The following SULT4A1 variants were observed in gnomAD, a reference collection of about 807,000 sequenced individuals.
The protein encoded by SULT4A1 is sulfotransferase 4A1.
Under a neutral mutation model 35.2 loss-of-function variants are expected in SULT4A1, and 11 were observed. The ratio of observed to expected loss-of-function variants is 0.31; its 90% CI spans 0.20 to 0.52. The LOEUF is 0.52. SULT4A1 is among the 20% of genes least tolerant of loss of function. The pLI is 0.97. For synonymous variants in SULT4A1, 152 were observed against 151.8 expected (o/e 1.00, Z -0.01); for missense variants, 271 against 383.7 (o/e 0.71, Z 2.45).
intron 1 of SULT4A1, among the ~76,000 whole-genome samples, chr22:43,844,006 T>C (rs1235516392): frequency 1.3e-5 from 2 of 152,036 alleles, no homozygotes; most frequent in African/African-American, 4.8e-5. Context: ...TGTCTCCAGG[T>C]GGGCAGTGCT....
intron 1 of SULT4A1, among the ~76,000 whole-genome samples, chr22:43,844,096 C>A (rs2063455977): frequency 6.6e-6 from 1 of 152,210 alleles, no homozygotes. Context: ...GAGAAATCCC[C>A]AGCCTGTCCG....
intron 1 of SULT4A1, among the ~76,000 whole-genome samples, chr22:43,861,671 T>G (rs1038424986): frequency 6.6e-6 from 1 of 152,162 alleles, no homozygotes. Flanking sequence ...AACAAGAGAA[T>G]GTACAAGCAA....
rs368127574 is a variant in SULT4A1 at position 43,829,073 on chromosome 22, C to T, written c.729G>A (p.Leu243=). Reference sequence around the variant, plus strand: ...TGGGGCACGTACCCCGGCCCACGGGCAGGGCCTCAGCGTTGCAGCACTGGT... The same window carrying T: ...TGGGGCACGTACCCCGGCCCACGGGTAGGGCCTCAGCGTTGCAGCACTGGT... The part of the protein sequence containing the change: ...LVDQCCNAEA[L]PVGRGRVGLW... The change falls in exon 6 of 7, where the codon CTG becomes CTA. Residue 243 remains leucine (L), a synonymous_variant. Transcript: ENST00000330884. The T allele has an allele frequency of 3.1e-4, 471 of 1,535,950 alleles. 4 individuals are homozygous for T. In the African/African-American group the frequency reaches 5.8e-3, roughly 19 times the overall value.
At chr22:43,852,999 C>A (rs35012821) in intron 1 of SULT4A1, among the ~76,000 whole-genome samples, 8,309 of 152,090 alleles carry the variant, frequency 0.055, 282 homozygotes, top group Non-Finnish European at 0.087. Context: ...CGCTCCAGAA[C>A]CAGAGTGCTT....
intron 2 of SULT4A1, among the ~76,000 whole-genome samples, chr22:43,840,462 T>C (rs1336293358): frequency 6.6e-6 from 1 of 152,038 alleles, no homozygotes; most frequent in Non-Finnish European, 1.5e-5. Flanking sequence ...GGCTGGACCC[T>C]GGCGGTAGAG....
chr22:43,832,077 C>T (rs755377899), intron 5 of SULT4A1, among the ~76,000 whole-genome samples: 2 of 152,216 alleles, frequency 1.3e-5, no homozygotes, highest in East Asian at 1.9e-4. Context: ...CCAGAGCCCA[C>T]GTTGTTCCCC....
intron 6 of SULT4A1, chr22:43,827,784 T>C: frequency 5.7e-6 from 1 of 176,678 alleles, no homozygotes; most frequent in Admixed American, 7.2e-5. Flanking sequence ...CACACACACG[T>C]GAACCAAAAG....
At position 43,825,852 on chromosome 22, in the gene SULT4A1, C is replaced by T. The variant is rs1315643030; in HGVS notation, c.*149G>A. 6.8e-6 allele frequency: 5 copies of T among 733,974 alleles called. No homozygotes were observed. The Admixed American group carries it at 1.1e-4, about 17-fold the overall frequency. 45.5% of individuals were successfully genotyped at this position (733,974 alleles called of 1,614,324 possible). A position where few individuals can be genotyped will look rare whatever the true frequency, so the allele number is the denominator to read the frequency against. ...CTGCTTTCGGTTGGGAATCATCACACTCCCTCCGCTCACGCCGCTCTTCCC... is the reference window on the plus strand; with the variant it reads ...CTGCTTTCGGTTGGGAATCATCACATTCCCTCCGCTCACGCCGCTCTTCCC... On this transcript the variant is annotated 3_prime_UTR_variant, in exon 7 of 7. Transcript: ENST00000330884.
intron 1 of SULT4A1, among the ~76,000 whole-genome samples, chr22:43,845,684 G>A (rs750885498): frequency 2.0e-5 from 3 of 152,138 alleles, no homozygotes; most frequent in Non-Finnish European, 2.9e-5. Flanking sequence ...GGCCTGTTCC[G>A]AACCGAGACG....
intron 1 of SULT4A1, among the ~76,000 whole-genome samples, chr22:43,858,124 T>C (rs541696760): frequency 2.0e-5 from 3 of 149,440 alleles, no homozygotes; most frequent in Admixed American, 2.0e-4. Context: ...GCACTGTGAC[T>C]CACACCTGTA....
Position 43,832,441 on chromosome 22 carries a change from G to A in SULT4A1, c.603+1199C>T, listed in dbSNP as rs538070276. ...GCAGACGGGGTCCTTCCTGCACATC[G>A]AGCAAGCCCCGAAAGGCCACGCTCC... On this transcript the variant is annotated intron_variant, in intron 5 of 6. Transcript: ENST00000330884. 2.8e-3 allele frequency among the ~76,000 whole-genome samples: 431 copies of A among 152,256 alleles called. 1 individual carries two copies. Among genetic ancestry groups the A allele is most frequent in the Middle Eastern group, 0.02 (6 of 294 alleles).
Position 43,838,945 on chromosome 22 carries a change from GATA to G in SULT4A1, c.427_429del (p.Tyr143del). The G allele has an allele frequency of 1.2e-6, 2 of 1,614,198 alleles. No individual in the cohort carries two copies. Among genetic ancestry groups the G allele is most frequent in the Non-Finnish European group, 1.7e-6 (2 of 1,180,012 alleles). On this transcript the variant is annotated inframe_deletion, in exon 4 of 7. Coordinates refer to ENST00000330884, the MANE Select transcript of SULT4A1 (RefSeq NM_014351.4). ...ATGGTCCGCAGAGAGCGGTGGAACTGATAATAAGACACCACCAGATCCTTGGGG... is the reference window on the plus strand; with the variant it reads ...ATGGTCCGCAGAGAGCGGTGGAACTGATAAGACACCACCAGATCCTTGGGG...
At chr22:43,839,825 C>G in intron 3 of SULT4A1, 120 bp downstream of exon 3, 1 of 938,324 alleles carries the variant, frequency 1.1e-6, no homozygotes, top group East Asian at 2.6e-5. Context: ...GTGTGGGCTC[C>G]TTGGGAAGAC....
chr22:43,841,660 T>C (rs2063430032), intron 2 of SULT4A1, 142 bp downstream of exon 2: 1 of 1,330,584 alleles, frequency 7.5e-7, no homozygotes, highest in South Asian at 1.5e-5. Context: ...AGCTCAGGCC[T>C]GCCAGCTTCT....
intron 1 of SULT4A1, among the ~76,000 whole-genome samples, chr22:43,851,117 T>C (rs2063507718): frequency 6.6e-6 from 1 of 152,220 alleles, no homozygotes; most frequent in African/African-American, 2.4e-5. Context: ...AAATTTTTAT[T>C]CTACTTCCTG....
intron 1 of SULT4A1, among the ~76,000 whole-genome samples, chr22:43,853,877 A>C (rs574245665): frequency 6.6e-6 from 1 of 152,346 alleles, no homozygotes; most frequent in East Asian, 1.9e-4. Context: ...AGGGGGCAGA[A>C]GCTCTGCCTC....
chr22:43,840,128 G>C, intron 2 of SULT4A1, 103 bp from the exon 3 acceptor site: 2 of 773,482 alleles, frequency 2.6e-6, no homozygotes, highest in Non-Finnish European at 4.1e-6. Flanking sequence ...AAGGGGTGGG[G>C]TTCAGGGGAA....
chr22:43,835,359 G>A (rs959054099), intron 4 of SULT4A1, among the ~76,000 whole-genome samples: 1 of 152,304 alleles, frequency 6.6e-6, no homozygotes, highest in Admixed American at 6.5e-5. Context: ...AGAGCAAGGC[G>A]TCAGTTAAGG....
At chr22:43,846,302 C>G (rs141305254) in intron 1 of SULT4A1, among the ~76,000 whole-genome samples, 1 of 152,356 alleles carries the variant, frequency 6.6e-6, no homozygotes, top group African/African-American at 2.4e-5. Flanking sequence ...CGTCCCTCGC[C>G]CTGTCATGCG....
Sources: gnomAD v4.1 joint callset for allele counts (sites outside exome capture counted in the v4.1 genomes callset) on GRCh38, gnomAD v4.1.1 for gene constraint, MANE v1.5 for transcripts, NCBI Gene and HGNC (gene_info 2026-07-23, HGNC 2026-07-21) for gene names.